The following FHIT variants were observed in gnomAD, a reference collection of about 807,000 sequenced individuals.
FHIT encodes the protein fragile histidine triad diadenosine triphosphatase.
A neutral mutation model predicts 17.9 loss-of-function variants in FHIT; 19 were observed. The observed-to-expected ratio is 1.06, with a 90% CI of 0.74 to 1.56. FHIT has a LOEUF of 1.56. Among genes scored for constraint, FHIT ranks in the 40% most tolerant of loss-of-function variants. FHIT has a pLI of 0.00. For missense variants in FHIT, 248 were observed against 189.2 expected, an observed-to-expected ratio of 1.31 and a Z score of -1.82; for synonymous variants, 81 against 69.7, an observed-to-expected ratio of 1.16 and a Z score of -0.81.
rs1705447336 is a variant in FHIT, at chr3:59,922,370, G to C, written c.324C>G (p.His108Gln). 6.2e-7 allele frequency: 1 copy of C among 1,613,956 alleles called. No homozygotes were observed. The highest frequency in any genetic ancestry group is 2.2e-5 in the East Asian group (1 of 44,872). The change falls in exon 8 of 10, where the codon CAC (histidine) becomes CAG (glutamine). Residue 108 changes from histidine (H) to glutamine (Q), a missense_variant. Coordinates refer to ENST00000492590, the MANE Select transcript of FHIT (RefSeq NM_002012.4). ...CCTCCTCATAGATGCTGTCATTCCT[G>C]TGAAAGTCTCCAGCCTTCCTGGGAA... ...HVLPRKAGDF[H>Q]RNDSIYEELQ...
intron 8 of FHIT, among the ~76,000 whole-genome samples, chr3:59,919,844 T>TTAA (rs1376336353): frequency 1.3e-5 from 2 of 152,206 alleles, no homozygotes; most frequent in African/African-American, 4.8e-5. Flanking sequence ...TCGCTTCTGA[T>TTAA]TAAGATCATT....
chr3:60,136,519 C>A (rs1485087380), intron 5 of FHIT, among the ~76,000 whole-genome samples: 1 of 152,166 alleles, frequency 6.6e-6, no homozygotes, highest in East Asian at 1.9e-4. Context: ...CCCATTCTGT[C>A]TCAAACCTGC....
At chr3:60,431,664 T>C (rs1576642599) in intron 5 of FHIT, among the ~76,000 whole-genome samples, 1 of 152,146 alleles carries the variant, frequency 6.6e-6, no homozygotes, top group East Asian at 1.9e-4. Flanking sequence ...CAAAGCCATC[T>C]TACCAAAGTC....
chr3:60,274,930 C>T (rs1707049933), intron 5 of FHIT, among the ~76,000 whole-genome samples: 1 of 152,134 alleles, frequency 6.6e-6, no homozygotes, highest in Admixed American at 6.5e-5. Flanking sequence ...TTTTAATTTT[C>T]ATTCCCAAAC....
chr3:60,551,038 A>G (rs1259084659), intron 4 of FHIT, among the ~76,000 whole-genome samples: 3 of 152,142 alleles, frequency 2.0e-5, no homozygotes, highest in Non-Finnish European at 2.9e-5. Context: ...TAAGAAGTCC[A>G]CTGTATGTGA....
chr3:60,101,977 T>A (rs1236002584), intron 5 of FHIT, among the ~76,000 whole-genome samples: 1 of 152,246 alleles, frequency 6.6e-6, no homozygotes, highest in Non-Finnish European at 1.5e-5. Context: ...AGGATCAGTT[T>A]AATTGTTACT....
At chr3:60,468,350 T>C (rs9836506) in intron 5 of FHIT, among the ~76,000 whole-genome samples, 6,949 of 152,152 alleles carry the variant, frequency 0.046, 529 homozygotes, top group African/African-American at 0.16. Context: ...TGTTTTCTGG[T>C]TGTTTTGTAG....
chr3:60,448,325 CA>C (rs565828345), intron 5 of FHIT, among the ~76,000 whole-genome samples: 3 of 151,306 alleles, frequency 2.0e-5, no homozygotes, highest in African/African-American at 4.9e-5. Flanking sequence ...AAGATGGAGT[CA>C]AAAAAAATCA....
chr3:59,957,269 G>C (rs904997820), intron 7 of FHIT, among the ~76,000 whole-genome samples: 7 of 152,162 alleles, frequency 4.6e-5, no homozygotes, highest in African/African-American at 1.4e-4. Context: ...GAGGGAATTT[G>C]GATACACAAA....
intron 4 of FHIT, among the ~76,000 whole-genome samples, chr3:60,554,209 GT>G (rs1243390890): frequency 2.0e-5 from 3 of 150,520 alleles, no homozygotes; most frequent in East Asian, 3.9e-4. Context: ...GCCGAGATTC[GT>G]TTTTTTCATT....
chr3:60,202,202 T>A (rs893617883), intron 5 of FHIT, among the ~76,000 whole-genome samples: 1 of 152,220 alleles, frequency 6.6e-6, no homozygotes, highest in Admixed American at 6.5e-5. Context: ...CTTTAAAGCA[T>A]ATCACTTCAC....
chr3:61,115,896 T>A (rs1407253531), intron 2 of FHIT, among the ~76,000 whole-genome samples: 1 of 152,162 alleles, frequency 6.6e-6, no homozygotes, highest in Non-Finnish European at 1.5e-5. Flanking sequence ...AAGCCAGGAC[T>A]GAGACCGTCT....
chr3:61,242,723 C>T (rs6445199), intron 1 of FHIT, among the ~76,000 whole-genome samples: 83,477 of 151,962 alleles, frequency 0.55, 25,478 homozygotes, highest in East Asian at 0.86. Context: ...GCGGGCCAGG[C>T]AGTGGGGAGT....
intron 5 of FHIT, among the ~76,000 whole-genome samples, chr3:60,262,891 A>C (rs1178678392): frequency 6.6e-6 from 1 of 151,950 alleles, no homozygotes; most frequent in Non-Finnish European, 1.5e-5. Flanking sequence ...AGAACAAAGA[A>C]CTTTAGTTCT....
intron 2 of FHIT, among the ~76,000 whole-genome samples, chr3:61,135,754 T>A (rs2036898849): frequency 6.6e-6 from 1 of 152,172 alleles, no homozygotes; most frequent in Non-Finnish European, 1.5e-5. Context: ...ATTTAAATTT[T>A]AAAAAATTTA....
chr3:59,834,326 G>A (rs900588012), intron 8 of FHIT, among the ~76,000 whole-genome samples: 1 of 152,124 alleles, frequency 6.6e-6, no homozygotes, highest in African/African-American at 2.4e-5. Context: ...CACTGTGCCT[G>A]GCAGAGTATA....
chr3:60,444,352 C>A (rs1476350358), intron 5 of FHIT, among the ~76,000 whole-genome samples: 1 of 152,092 alleles, frequency 6.6e-6, no homozygotes, highest in Admixed American at 6.6e-5. Flanking sequence ...GGGTATATAT[C>A]CAAAGGATTA....
At chr3:61,117,598 G>A (rs1245283965) in intron 2 of FHIT, among the ~76,000 whole-genome samples, 3 of 152,128 alleles carry the variant, frequency 2.0e-5, no homozygotes, top group South Asian at 2.1e-4. Context: ...CACTAAAAGC[G>A]ATACTTACTC....
intron 5 of FHIT, among the ~76,000 whole-genome samples, chr3:60,494,422 T>TA (rs11373882): frequency 0.22 from 33,261 of 152,088 alleles, 4,650 homozygotes; most frequent in East Asian, 0.45. Context: ...TCACATCATG[T>TA]AAAATGGGGT....
Sources: gnomAD v4.1 joint callset for allele counts (sites outside exome capture counted in the v4.1 genomes callset) on GRCh38, gnomAD v4.1.1 for gene constraint, MANE v1.5 for transcripts, NCBI Gene and HGNC (gene_info 2026-07-23, HGNC 2026-07-21) for gene names.